DIP2C: variants seen among roughly 807,000 people sequenced by gnomAD.
The protein encoded by DIP2C is disco-interacting protein 2 homolog C.
Under a neutral mutation model 192.4 loss-of-function variants are expected in DIP2C, and 33 were observed. That is an observed-to-expected ratio of 0.17 (90% confidence interval 0.13 to 0.23). DIP2C has a LOEUF of 0.23. Ranked by LOEUF, DIP2C falls within the 10% of genes least tolerant of loss-of-function variation. DIP2C has a pLI of 1.00. For missense variants in DIP2C, 1,537 were observed against 2,110.1 expected, an observed-to-expected ratio of 0.73 and a Z score of 5.32; for synonymous variants, 979 against 864.1, an observed-to-expected ratio of 1.13 and a Z score of -2.33.
chr10:492,096 G>C (rs1172115771), intron 1 of DIP2C, among the ~76,000 whole-genome samples: 1 of 152,180 alleles, frequency 6.6e-6, no homozygotes, highest in African/African-American at 2.4e-5. Flanking sequence ...GCTCTGCTCT[G>C]ATGTCAACCA....
chr10:474,556 G>A (rs757566750), intron 2 of DIP2C, among the ~76,000 whole-genome samples: 6 of 42,626 alleles, frequency 1.4e-4, no homozygotes, highest in Non-Finnish European at 1.2e-4. Context: ...CTTTCTTCCC[G>A]CTGGCTGTGG....
intron 1 of DIP2C, among the ~76,000 whole-genome samples, chr10:595,143 G>C (rs995305930): frequency 1.3e-5 from 2 of 152,194 alleles, no homozygotes; most frequent in Non-Finnish European, 2.9e-5. Flanking sequence ...GCAAAGGCGA[G>C]GCGCAGGGCC....
At chr10:418,618 T>A (rs774538328) in intron 6 of DIP2C, among the ~76,000 whole-genome samples, 3 of 152,216 alleles carry the variant, frequency 2.0e-5, no homozygotes, top group African/African-American at 7.2e-5. Context: ...CTGTCCAACG[T>A]GGATAAAAAG....
At chr10:393,074 T>A (rs937765132) in intron 10 of DIP2C, among the ~76,000 whole-genome samples, 62 of 152,156 alleles carry the variant, frequency 4.1e-4, no homozygotes, top group African/African-American at 1.4e-3. Context: ...GCCTCAGTCC[T>A]CTGTCCTTGG....
intron 1 of DIP2C, among the ~76,000 whole-genome samples, chr10:498,967 G>C (rs1019883017): frequency 1.3e-5 from 2 of 152,172 alleles, no homozygotes. Context: ...GCTCTGCACC[G>C]CACAGCACTG....
chr10:330,334 A>G (rs1480827077), intron 29 of DIP2C, among the ~76,000 whole-genome samples: 1 of 128,984 alleles, frequency 7.8e-6, no homozygotes, highest in East Asian at 2.3e-4. Context: ...GATTTAGAGA[A>G]ATGAAAAAGT....
At chr10:546,441 C>T (rs887991133) in intron 1 of DIP2C, among the ~76,000 whole-genome samples, 5 of 152,326 alleles carry the variant, frequency 3.3e-5, no homozygotes, top group Admixed American at 6.5e-5. Flanking sequence ...GCACCTCGGA[C>T]AGCAGGGTTC....
intron 32 of DIP2C, among the ~76,000 whole-genome samples, chr10:295,433 C>T (rs909327098): frequency 6.6e-5 from 10 of 151,534 alleles, no homozygotes; most frequent in East Asian, 2.0e-4. Flanking sequence ...CGGTGGCGGG[C>T]GCCTGTAATC....
chr10:358,187 C>T (rs540826787), intron 22 of DIP2C, among the ~76,000 whole-genome samples: 60 of 152,214 alleles, frequency 3.9e-4, no homozygotes, highest in African/African-American at 1.4e-3. Flanking sequence ...TCCAAGCCCA[C>T]GCCTGACTTT....
chr10:410,435 A>G (rs1430590018), intron 8 of DIP2C, among the ~76,000 whole-genome samples: 1 of 152,206 alleles, frequency 6.6e-6, no homozygotes, highest in Non-Finnish European at 1.5e-5. Flanking sequence ...GGCAGTCTTC[A>G]AGACGGGCAG....
At chr10:337,880 G>A (rs1207302341) in intron 29 of DIP2C, among the ~76,000 whole-genome samples, 1 of 148,848 alleles carries the variant, frequency 6.7e-6, no homozygotes, top group Non-Finnish European at 1.5e-5. Flanking sequence ...TGTTGTAGAG[G>A]CCTAGGAAGC....
chr10:600,635 GACAGCCCTT>G (rs1852008508), intron 1 of DIP2C, among the ~76,000 whole-genome samples: 2 of 151,356 alleles, frequency 1.3e-5, no homozygotes, highest in African/African-American at 4.9e-5. Context: ...TCAATGACCC[GACAGCCCTT>G]TCCACCTTAA....
chr10:583,924 C>T (rs920542061), intron 1 of DIP2C, among the ~76,000 whole-genome samples: 2 of 152,184 alleles, frequency 1.3e-5, no homozygotes, highest in Non-Finnish European at 2.9e-5. Context: ...CCTGTAATGA[C>T]GCAGAAGGAG....
intron 2 of DIP2C, among the ~76,000 whole-genome samples, chr10:474,471 T>C (rs551390646): frequency 1.4e-3 from 218 of 152,308 alleles, no homozygotes; most frequent in Non-Finnish European, 1.9e-3. Flanking sequence ...CTGGTGAGAA[T>C]CTGTTCAATT....
At chr10:591,666 C>CG (rs1386980858) in intron 1 of DIP2C, among the ~76,000 whole-genome samples, 2 of 152,168 alleles carry the variant, frequency 1.3e-5, no homozygotes, top group Non-Finnish European at 2.9e-5. Context: ...ATCTGCCTGC[C>CG]GGTGAGTTAG....
At chr10:601,777 C>T (rs1852089296) in intron 1 of DIP2C, among the ~76,000 whole-genome samples, 1 of 152,186 alleles carries the variant, frequency 6.6e-6, no homozygotes, top group Non-Finnish European at 1.5e-5. Flanking sequence ...GGGAACAAGG[C>T]CAGGAGGAAG....
intron 29 of DIP2C, among the ~76,000 whole-genome samples, chr10:337,627 TGC>T (rs1957908892): frequency 3.0e-5 from 4 of 133,890 alleles, no homozygotes; most frequent in South Asian, 2.5e-4. Context: ...TGTGTGTGTG[TGC>T]GCACGTGTGT....
intron 1 of DIP2C, among the ~76,000 whole-genome samples, chr10:590,208 G>A (rs563028342): frequency 2.6e-5 from 4 of 152,230 alleles, no homozygotes; most frequent in African/African-American, 9.6e-5. Flanking sequence ...GACGAGGCTC[G>A]AATGTCAGGC....
rs571520281 is a variant in DIP2C at position 288,805 on chromosome 10, C to T, written c.3987-384G>A. On this transcript the variant is annotated intron_variant, in intron 32 of 36. Coordinates refer to ENST00000280886, the MANE Select transcript of DIP2C (RefSeq NM_014974.3). ...TCCTCAAGCACCGACGGCTGTCCTG[C>T]GGGTGGAAGGCAGGGCCAGGTGTGC... 7.5e-4 allele frequency among the ~76,000 whole-genome samples: 114 copies of T among 152,348 alleles called. 1 individual carries two copies. Among genetic ancestry groups the T allele is most frequent in the African/African-American group, 2.6e-3 (108 of 41,574 alleles).
Sources: allele counts gnomAD v4.1 joint callset (sites outside exome capture counted in the v4.1 genomes callset), GRCh38; gene constraint gnomAD v4.1.1; transcripts MANE v1.5; gene names NCBI Gene and HGNC (gene_info 2026-07-23, HGNC 2026-07-21).